CCDC170: variants seen among roughly 807,000 people sequenced by gnomAD.
CCDC170 encodes coiled-coil domain-containing protein 170.
CCDC170 carries 69 observed loss-of-function variants against 72.6 expected under a neutral mutation model. The ratio of observed to expected loss-of-function variants is 0.95; its 90% CI spans 0.78 to 1.16. The LOEUF (loss-of-function observed/expected upper bound fraction) is 1.16. CCDC170 is among the 50% of genes most tolerant of loss of function. The probability of loss-of-function intolerance (pLI) is 0.00; values close to 1 mark genes in which losing one functional copy is unlikely to be tolerated. For missense variants in CCDC170, 852 were observed against 832.5 expected (o/e 1.02, Z -0.29); for synonymous variants, 300 against 303.9 (o/e 0.99, Z 0.13).
Position 151,573,367 on chromosome 6 carries a change from ACTT to A in CCDC170, c.971_973del (p.Phe324del). On this transcript the variant is annotated inframe_deletion, in exon 6 of 11. Transcript: ENST00000239374. ...GCAGTCACAACCTCACAAAGCCAGT[ACTT>A]CTCATTTAGGGAGAAAATCGCAGCC... 6.2e-7 allele frequency: 1 copy of A among 1,614,004 alleles called. No individual in the cohort carries two copies. The highest frequency in any genetic ancestry group is 8.5e-7 in the Non-Finnish European group (1 of 1,179,980).
chr6:151,581,637 C>T (rs1306824765), intron 6 of CCDC170, among the ~76,000 whole-genome samples: 1 of 152,138 alleles, frequency 6.6e-6, no homozygotes, highest in Non-Finnish European at 1.5e-5. Flanking sequence ...GAATCCTTTC[C>T]AGAAGGTTTT....
intron 1 of CCDC170, among the ~76,000 whole-genome samples, chr6:151,514,182 T>C (rs1782194668): frequency 6.6e-6 from 1 of 151,284 alleles, no homozygotes; most frequent in Non-Finnish European, 1.5e-5. Context: ...GTGCTTGTAG[T>C]CCCAGCTACC....
At chr6:151,581,407 C>T (rs1463360700) in intron 6 of CCDC170, among the ~76,000 whole-genome samples, 1 of 152,326 alleles carries the variant, frequency 6.6e-6, no homozygotes, top group East Asian at 1.9e-4. Context: ...TGAGAAGCAA[C>T]TCTTCATCCA....
chr6:151,537,872 T>C (rs1217046287), intron 2 of CCDC170, among the ~76,000 whole-genome samples, 173 bp from the exon 3 acceptor site: 2 of 152,206 alleles, frequency 1.3e-5, no homozygotes, highest in Non-Finnish European at 2.9e-5. Flanking sequence ...GTCCATTATT[T>C]AGGCATAATT....
At chr6:151,566,745 C>T (rs911951060) in intron 5 of CCDC170, among the ~76,000 whole-genome samples, 1 of 152,016 alleles carries the variant, frequency 6.6e-6, no homozygotes, top group African/African-American at 2.4e-5. Context: ...GTTCTTTAGT[C>T]ATAAGTTTTA....
intron 1 of CCDC170, among the ~76,000 whole-genome samples, chr6:151,525,915 C>T (rs1357409741): frequency 1.3e-5 from 2 of 152,158 alleles, no homozygotes; most frequent in Non-Finnish European, 2.9e-5. Context: ...ATTAAGAATA[C>T]TTTAAATTTG....
chr6:151,562,710 G>A (rs1215227647), intron 5 of CCDC170, among the ~76,000 whole-genome samples: 1 of 152,154 alleles, frequency 6.6e-6, no homozygotes, highest in Non-Finnish European at 1.5e-5. Context: ...TTTTGTATTT[G>A]GTAGTGCAGT....
In CCDC170 at chr6:151,537,908, T is replaced by C; in HGVS notation, c.187-137T>C. 4.7e-6 allele frequency: 4 copies of C among 850,850 alleles called. 1 individual carries two copies. The South Asian group carries it at 6.0e-5, about 13-fold the overall frequency. 52.7% of individuals were successfully genotyped at this position (850,850 alleles called of 1,614,324 possible). ...TCTCATTTGGTAATACAGATACAAATATTAGAAAAAAAATAAAGTTAGATT... is the reference window on the plus strand; with the variant it reads ...TCTCATTTGGTAATACAGATACAAACATTAGAAAAAAAATAAAGTTAGATT... On this transcript the variant is annotated intron_variant, in intron 2 of 10. Coordinates refer to ENST00000239374, the MANE Select transcript of CCDC170 (RefSeq NM_025059.4).
intron 1 of CCDC170, among the ~76,000 whole-genome samples, chr6:151,506,493 A>C (rs1229825099): frequency 6.6e-6 from 1 of 152,236 alleles, no homozygotes; most frequent in Non-Finnish European, 1.5e-5. Flanking sequence ...AGATTTATTC[A>C]AGCTTACAAA....
At chr6:151,593,035 G>A in intron 7 of CCDC170, 72 bp from the exon 8 acceptor site, 4 of 1,490,890 alleles carry the variant, frequency 2.7e-6, no homozygotes, top group Non-Finnish European at 3.7e-6. Context: ...GGAGAAAGAG[G>A]AAGAGATTCT....
intron 1 of CCDC170, among the ~76,000 whole-genome samples, chr6:151,497,777 A>G (rs1005663211): frequency 6.6e-6 from 1 of 151,808 alleles, no homozygotes; most frequent in African/African-American, 2.4e-5. Flanking sequence ...GGAGTTCGAG[A>G]CCATCCTGGC....
At chr6:151,546,178 G>A (rs1407000444) in intron 4 of CCDC170, among the ~76,000 whole-genome samples, 17 of 152,156 alleles carry the variant, frequency 1.1e-4, no homozygotes. Flanking sequence ...TCGACTTTGG[G>A]AAGTATTCCA....
intron 1 of CCDC170, among the ~76,000 whole-genome samples, chr6:151,532,923 T>C (rs1301767342): frequency 6.6e-6 from 1 of 152,252 alleles, no homozygotes; most frequent in African/African-American, 2.4e-5. Context: ...TGTTTGTCTG[T>C]AGGCATCGCT....
At chr6:151,515,546 G>T (rs1782222889) in intron 1 of CCDC170, among the ~76,000 whole-genome samples, 1 of 152,200 alleles carries the variant, frequency 6.6e-6, no homozygotes, top group Admixed American at 6.5e-5. Context: ...GCCTCCCAAA[G>T]TGCTAGGATT....
At chr6:151,592,938 G>A in intron 7 of CCDC170, 169 bp from the exon 8 acceptor site, 3 of 660,174 alleles carry the variant, frequency 4.5e-6, no homozygotes, top group Non-Finnish European at 7.8e-6. Context: ...GAACTGGCAG[G>A]GTGGTTCAGG....
Position 151,544,648 on chromosome 6 carries a change from C to A in CCDC170, c.520C>A (p.Gln174Lys). 1 of 1,613,706 alleles carries A rather than the reference C, an allele frequency of 6.2e-7. No individual in the cohort carries two copies. Among genetic ancestry groups the A allele is most frequent in the Non-Finnish European group, 8.5e-7 (1 of 1,179,678 alleles). Residue 174 changes from glutamine to lysine, a missense_variant, in exon 4 of 11, where the codon CAA (glutamine) becomes AAA (lysine). Gln to Lys is a moderately conservative substitution (Grantham distance 53, BLOSUM62 1). Coordinates refer to ENST00000239374, the MANE Select transcript of CCDC170 (RefSeq NM_025059.4). ...NCRKHEEFLTQLRDCLDPDER... is the reference protein window; with the variant it reads ...NCRKHEEFLTKLRDCLDPDER... ...CAGGAAACATGAGGAATTTCTGACT[C>A]AACTGCGTGACTGCTTGGATCCAGA...
chr6:151,504,607 G>A (rs1782040472), intron 1 of CCDC170, among the ~76,000 whole-genome samples: 1 of 152,106 alleles, frequency 6.6e-6, no homozygotes, highest in African/African-American at 2.4e-5. Flanking sequence ...GAATTACACA[G>A]TGTGCTGTAG....
At position 151,617,408 on chromosome 6, in the gene CCDC170, C is replaced by CTTTTTTTTTTTTT. The variant is rs745655791; in HGVS notation, c.1948-506_1948-494dup. Among the ~76,000 whole-genome samples the CTTTTTTTTTTTTT allele has an allele frequency of 3.0e-4, 27 of 91,470 alleles. 1 individual carries two copies. Among genetic ancestry groups the CTTTTTTTTTTTTT allele is most frequent in the Non-Finnish European group, 4.5e-4 (21 of 46,718 alleles). The allele number at this position is 91,470 out of a possible 152,430, so 60.0% of individuals were successfully genotyped here. On this transcript the variant is annotated intron_variant, in intron 10 of 10. Transcript: ENST00000239374. ...AGCTTATACTTTCTTGCTGTTTGTT[C>CTTTTTTTTTTTTT]TTTTTTTTTTTTTTTTTTTTTTTTT...
Position 151,593,152 on chromosome 6 carries a change from C to A in CCDC170, c.1339C>A (p.Gln447Lys), listed in dbSNP as rs1776568238. 6.2e-7 allele frequency: 1 copy of A among 1,614,156 alleles called. No individual in the cohort carries two copies. The highest frequency in any genetic ancestry group is 8.5e-7 in the Non-Finnish European group (1 of 1,180,026). The part of the protein sequence containing the change: ...DQLSQKMKLD[Q>K]MAAELGFDMR... ...GCTTTCTCAGAAAATGAAGTTGGACCAGATGGCTGCCGAACTTGGCTTTGA... is the reference window on the plus strand; with the variant it reads ...GCTTTCTCAGAAAATGAAGTTGGACAAGATGGCTGCCGAACTTGGCTTTGA... Residue 447 changes from glutamine to lysine, a missense_variant, in exon 8 of 11, where the codon CAG (glutamine) becomes AAG (lysine). Transcript: ENST00000239374.
Sources: allele counts gnomAD v4.1 joint callset (sites outside exome capture counted in the v4.1 genomes callset), GRCh38; gene constraint gnomAD v4.1.1; transcripts MANE v1.5; gene names NCBI Gene and HGNC (gene_info 2026-07-23, HGNC 2026-07-21).